The following SPEF2 variants were observed in gnomAD, a reference collection of about 807,000 sequenced individuals.
The protein encoded by SPEF2 is sperm flagella and cilia-associated protein 2.
Under a neutral mutation model 224.6 loss-of-function variants are expected in SPEF2, and 187 were observed. That is an observed-to-expected ratio of 0.83 (90% CI 0.74 to 0.94). The LOEUF (loss-of-function observed/expected upper bound fraction) is 0.94, where lower values mean the gene tolerates loss of function less well. SPEF2 is among the 40% of genes least tolerant of loss of function. SPEF2 has a pLI of 0.00. For missense variants in SPEF2, 2,170 were observed against 2,135.6 expected, an observed-to-expected ratio of 1.02 and a Z score of -0.32; for synonymous variants, 715 against 707.3, an observed-to-expected ratio of 1.01 and a Z score of -0.17.
intron 34 of SPEF2, among the ~76,000 whole-genome samples, chr5:35,803,319 G>C (rs536561608): frequency 6.6e-6 from 1 of 152,328 alleles, no homozygotes; most frequent in South Asian, 2.1e-4. Context: ...AGCCAGGCTA[G>C]CTAGCACAGG....
chr5:35,628,025 A>T (rs56829127), intron 1 of SPEF2, among the ~76,000 whole-genome samples: 59 of 152,322 alleles, frequency 3.9e-4, no homozygotes, highest in African/African-American at 1.4e-3. Context: ...GCAGGTTAAA[A>T]TGAGGTATTT....
intron 16 of SPEF2, among the ~76,000 whole-genome samples, chr5:35,703,501 T>TTAG (rs1739114429): frequency 6.6e-6 from 1 of 151,870 alleles, no homozygotes; most frequent in Non-Finnish European, 1.5e-5. Context: ...TCTTTAGGAT[T>TTAG]GCAAAGATGG....
chr5:35,734,285 C>G (rs888241187), intron 21 of SPEF2, among the ~76,000 whole-genome samples: 2 of 152,160 alleles, frequency 1.3e-5, no homozygotes, highest in Non-Finnish European at 2.9e-5. Context: ...TTACATATGC[C>G]AAGAACATTC....
intron 9 of SPEF2, among the ~76,000 whole-genome samples, 190 bp downstream of exon 9, chr5:35,667,449 A>T (rs897085661): frequency 6.6e-6 from 1 of 152,124 alleles, no homozygotes; most frequent in Non-Finnish European, 1.5e-5. Context: ...TAAGATGCAT[A>T]TATGCCTTTT....
intron 30 of SPEF2, among the ~76,000 whole-genome samples, chr5:35,787,038 T>C (rs1755249140): frequency 6.6e-6 from 1 of 152,234 alleles, no homozygotes; most frequent in Non-Finnish European, 1.5e-5. Context: ...CACATATATG[T>C]GATCTAGGCT....
chr5:35,741,212 T>G (rs960228926), intron 23 of SPEF2, among the ~76,000 whole-genome samples: 4 of 152,148 alleles, frequency 2.6e-5, no homozygotes, highest in Admixed American at 2.6e-4. Flanking sequence ...ATAAGAGCTA[T>G]GTAGAGAGCA....
chr5:35,665,257 C>A (rs1440835936), intron 8 of SPEF2, among the ~76,000 whole-genome samples: 1 of 152,162 alleles, frequency 6.6e-6, no homozygotes, highest in Non-Finnish European at 1.5e-5. Flanking sequence ...AGGCTCATAA[C>A]CACGGAGATT....
At chr5:35,791,629 A>G (rs1346350761) in intron 30 of SPEF2, 8 of 152,040 alleles carry the variant, frequency 5.3e-5, no homozygotes, top group Non-Finnish European at 1.0e-4. Context: ...AGATTCATTT[A>G]TTTTGTTTTC....
chr5:35,730,153 C>T (rs1428366450), intron 21 of SPEF2, among the ~76,000 whole-genome samples: 1 of 152,176 alleles, frequency 6.6e-6, no homozygotes, highest in African/African-American at 2.4e-5. Flanking sequence ...CTTCAACAGA[C>T]AAATGATGGG....
chr5:35,731,273 T>C (rs1348131802), intron 21 of SPEF2, among the ~76,000 whole-genome samples: 1 of 152,142 alleles, frequency 6.6e-6, no homozygotes, highest in Non-Finnish European at 1.5e-5. Flanking sequence ...AAGCACAAAA[T>C]TGCAAATACA....
chr5:35,741,190 G>A (rs958514235), intron 23 of SPEF2, among the ~76,000 whole-genome samples: 1 of 152,168 alleles, frequency 6.6e-6, no homozygotes, highest in African/African-American at 2.4e-5. Context: ...TATAGTGAAT[G>A]TGTCCTTAGT....
At chr5:35,700,346 C>G in intron 15 of SPEF2, 150 bp from the exon 16 acceptor site, 1 of 703,902 alleles carries the variant, frequency 1.4e-6, no homozygotes, top group East Asian at 2.7e-5. Flanking sequence ...TGTGGCACAT[C>G]AGTAAACCTA....
chr5:35,724,848 G>A (rs1337090773), intron 20 of SPEF2, among the ~76,000 whole-genome samples: 1 of 152,158 alleles, frequency 6.6e-6, no homozygotes, highest in African/African-American at 2.4e-5. Flanking sequence ...TAAAGACAGA[G>A]GGCAGAAAGG....
At chr5:35,797,626 A>T (rs979114394) in intron 33 of SPEF2, among the ~76,000 whole-genome samples, 3 of 152,148 alleles carry the variant, frequency 2.0e-5, no homozygotes, top group Non-Finnish European at 4.4e-5. Flanking sequence ...TTGGCACATA[A>T]TAAGTCCTAT....
At chr5:35,754,434 A>C (rs555199493) in intron 24 of SPEF2, among the ~76,000 whole-genome samples, 2 of 152,330 alleles carry the variant, frequency 1.3e-5, no homozygotes, top group African/African-American at 4.8e-5. Context: ...GCCAATTGAC[A>C]TTACCAGAAG....
In SPEF2 at chr5:35,641,587, A is replaced by G. The variant is rs1213213258; in HGVS notation, c.318A>G (p.Lys106=). 1.2e-6 allele frequency: 2 copies of G among 1,613,798 alleles called. No homozygotes were observed. Among genetic ancestry groups the G allele is most frequent in the East Asian group, 2.2e-5 (1 of 44,866 alleles). ...ATCAATTGTACATTGCTCTTCAGAA[A>G]AAGAAGAAAAGTGGACTGACTGGAG... ...LLYQLYIALQ[K]KKKSGLTGVE... is the part of the protein sequence containing the mutation. The change falls in exon 3 of 37, where the codon AAA becomes AAG. Residue 106 remains lysine, a synonymous_variant. Transcript: ENST00000356031.
At chr5:35,719,812 G>C (rs1459368722) in intron 20 of SPEF2, among the ~76,000 whole-genome samples, 2 of 152,092 alleles carry the variant, frequency 1.3e-5, no homozygotes, top group East Asian at 3.9e-4. Context: ...AATAGAGACA[G>C]GGTTTCACTG....
chr5:35,694,467 C>T, intron 13 of SPEF2, 104 bp downstream of exon 13: 1 of 1,045,778 alleles, frequency 9.6e-7, no homozygotes, highest in Admixed American at 2.2e-5. Flanking sequence ...AAACGGGAAC[C>T]AAGGGGAGTT....
chr5:35,788,400 A>C, intron 30 of SPEF2: 1 of 702,664 alleles, frequency 1.4e-6, no homozygotes, highest in South Asian at 1.5e-5. Flanking sequence ...TTTATTGCTG[A>C]AGTAGAACGA....
Sources: allele counts gnomAD v4.1 joint callset (sites outside exome capture counted in the v4.1 genomes callset), GRCh38; gene constraint gnomAD v4.1.1; transcripts MANE v1.5; gene names NCBI Gene and HGNC (gene_info 2026-07-23, HGNC 2026-07-21).